RTF1: variants seen among roughly 807,000 people sequenced by gnomAD.
RTF1 encodes the protein RNA polymerase-associated protein RTF1 homolog.
RTF1 carries 10 observed loss-of-function variants against 95.7 expected under a neutral mutation model. The ratio of observed to expected loss-of-function variants is 0.10; its 90% CI spans 0.06 to 0.18. The LOEUF is 0.18. Ranked by LOEUF, RTF1 falls within the 10% of genes least tolerant of loss-of-function variation. The pLI, the probability that RTF1 is intolerant of heterozygous loss-of-function variation, is 1.00. For synonymous variants in RTF1, 305 were observed against 311.8 expected, an observed-to-expected ratio of 0.98 and a Z score of 0.23; for missense variants, 458 against 875.6, an observed-to-expected ratio of 0.52 and a Z score of 6.02.
In RTF1 at chr15:41,430,006, C is replaced by CTTTTTTTTTTTTT. The variant is rs1410593149; in HGVS notation, c.199-8311_199-8310insTTTTTTTTTTTTT. The stretch of plus-strand genomic sequence containing the variant: ...TTTAATTTAATTTATTTTATTTTTT[C>CTTTTTTTTTTTTT]TTTTCTTTTTTTTTTTTTTGAGACA... On this transcript the variant is annotated intron_variant, in intron 1 of 17. Transcript: ENST00000389629. Among the ~76,000 whole-genome samples, 238 of 142,908 alleles carry CTTTTTTTTTTTTT rather than the reference C, an allele frequency of 1.7e-3. 2 individuals carry two copies. The highest frequency in any genetic ancestry group is 4.1e-3 in the East Asian group (19 of 4,688). The allele number at this position is 142,908 out of a possible 152,430, so 93.8% of individuals were successfully genotyped here.
At chr15:41,421,794 G>A (rs150665618) in intron 1 of RTF1, among the ~76,000 whole-genome samples, 115 of 150,632 alleles carry the variant, frequency 7.6e-4, no homozygotes, top group Middle Eastern at 3.4e-3. Flanking sequence ...CGGCTGTAGC[G>A]TTGACCTCCC....
chr15:41,467,012 A>G (rs1394411592), intron 6 of RTF1, among the ~76,000 whole-genome samples: 2 of 152,098 alleles, frequency 1.3e-5, no homozygotes, highest in Non-Finnish European at 2.9e-5. Context: ...AGTGGTATGT[A>G]TTTCCATCAG....
At chr15:41,424,920 A>C (rs939947982) in intron 1 of RTF1, among the ~76,000 whole-genome samples, 1 of 151,668 alleles carries the variant, frequency 6.6e-6, no homozygotes, top group Non-Finnish European at 1.5e-5. Context: ...GAGGCATGAG[A>C]ATCCCTTGAA....
intron 1 of RTF1, among the ~76,000 whole-genome samples, chr15:41,425,592 A>G (rs1228779524): frequency 2.0e-5 from 3 of 152,114 alleles, no homozygotes; most frequent in African/African-American, 7.2e-5. Flanking sequence ...GGAGAACATA[A>G]GTTCCATTAG....
At chr15:41,436,663 A>C (rs144194024) in intron 1 of RTF1, among the ~76,000 whole-genome samples, 147 of 148,786 alleles carry the variant, frequency 9.9e-4, no homozygotes, top group African/African-American at 3.4e-3. Context: ...GCATGGTGGC[A>C]TTCTCCTGTA....
At chr15:41,452,833 G>A in intron 2 of RTF1, 68 bp from the exon 3 acceptor site, 1 of 1,183,828 alleles carries the variant, frequency 8.4e-7, no homozygotes. Context: ...TAACTCTTGA[G>A]TCTTCCAGCT....
In RTF1 at chr15:41,464,828, G is replaced by A. The variant is rs908418272; in HGVS notation, c.720G>A (p.Lys240=). Residue 240 remains lysine, a synonymous_variant, in exon 5 of 18, where the codon AAG becomes AAA. Coordinates refer to ENST00000389629, the MANE Select transcript of RTF1 (RefSeq NM_015138.5). ...TAKKKEKKEK[K]KKQEEEQEKK... is the part of the protein sequence containing the mutation. ...AAAAGAAAGAAAAGAAAGAAAAGAA[G>A]AAAAAGCAAGAAGAGGAGCAAGAAA... 6.4e-7 allele frequency: 1 copy of A among 1,555,010 alleles called. No individual in the cohort carries two copies. Among genetic ancestry groups the A allele is most frequent in the Non-Finnish European group, 8.7e-7 (1 of 1,151,466 alleles).
intron 1 of RTF1, among the ~76,000 whole-genome samples, chr15:41,436,113 C>T (rs992018902): frequency 1.3e-5 from 2 of 151,838 alleles, no homozygotes; most frequent in Non-Finnish European, 2.9e-5. Flanking sequence ...TCAAGACCAG[C>T]CTGGGCAGCA....
intron 8 of RTF1, among the ~76,000 whole-genome samples, chr15:41,473,790 A>T (rs2050928043): frequency 6.6e-6 from 1 of 151,424 alleles, no homozygotes; most frequent in Non-Finnish European, 1.5e-5. Flanking sequence ...CACGCCTGTA[A>T]TCCCAGTACT....
intron 14 of RTF1, 121 bp from the exon 15 acceptor site, chr15:41,478,427 G>A: frequency 4.1e-6 from 3 of 739,678 alleles, no homozygotes; most frequent in South Asian, 1.8e-5. Context: ...AAAAAAAAAG[G>A]AAAAGGATAA....
At chr15:41,460,900 G>A (rs538291190) in intron 4 of RTF1, among the ~76,000 whole-genome samples, 2 of 140,704 alleles carry the variant, frequency 1.4e-5, no homozygotes, top group East Asian at 2.1e-4. Flanking sequence ...TTTTTGAGAT[G>A]GAGTCTCACT....
chr15:41,480,140 C>T lies in RTF1; in HGVS notation c.1915-74C>T, dbSNP rs375823391. 1,095 of 926,440 alleles carry T rather than the reference C, an allele frequency of 1.2e-3. 23 individuals are homozygous for T. In the South Asian group the frequency reaches 0.014, roughly 12 times the overall value. The allele number at this position is 926,440 out of a possible 1,614,324, so 57.4% of individuals were successfully genotyped here. A position where few individuals can be genotyped will look rare whatever the true frequency, so the allele number is the denominator to read the frequency against. ...ATGAACTCAAATAAGAGCTTCGTAC[C>T]GTTAGTGGCTGCTGCTGCTTGAAAT... On this transcript the variant is annotated intron_variant, in intron 16 of 17. Transcript: ENST00000389629.
chr15:41,472,465 C>T (rs1250258978), intron 8 of RTF1, among the ~76,000 whole-genome samples: 1 of 152,166 alleles, frequency 6.6e-6, no homozygotes, highest in South Asian at 2.1e-4. Context: ...TCTCGGCCTC[C>T]CAAAGTGCTG....
intron 2 of RTF1, among the ~76,000 whole-genome samples, chr15:41,446,989 G>A (rs1416673137): frequency 6.6e-6 from 1 of 152,024 alleles, no homozygotes; most frequent in Non-Finnish European, 1.5e-5. Context: ...TTTTAGTAGA[G>A]TCAGGGTTTC....
chr15:41,445,981 G>A (rs554123760), intron 2 of RTF1, among the ~76,000 whole-genome samples: 1 of 152,066 alleles, frequency 6.6e-6, no homozygotes, highest in South Asian at 2.1e-4. Flanking sequence ...CAAGTGATCT[G>A]TCTGCCTCGG....
intron 1 of RTF1, among the ~76,000 whole-genome samples, chr15:41,427,440 T>C (rs952579318): frequency 6.6e-6 from 1 of 151,972 alleles, no homozygotes; most frequent in African/African-American, 2.4e-5. Flanking sequence ...CGTGAGCCAC[T>C]GCGCCCGGCC....
At position 41,481,090 on chromosome 15, in the gene RTF1, G is replaced by A. The variant is rs2050970703; in HGVS notation, c.*403G>A. 6.0e-6 allele frequency: 1 copy of A among 165,448 alleles called. No individual in the cohort carries two copies. Among genetic ancestry groups the A allele is most frequent in the Non-Finnish European group, 1.3e-5 (1 of 75,356 alleles). The allele number at this position is 165,448 out of a possible 1,614,324, so 10.2% of individuals were successfully genotyped here. A position where few individuals can be genotyped will look rare whatever the true frequency, so the allele number is the denominator to read the frequency against. On this transcript the variant is annotated 3_prime_UTR_variant, in exon 18 of 18. Coordinates refer to ENST00000389629, the MANE Select transcript of RTF1 (RefSeq NM_015138.5). ...GGCGGTCTCCTCTACAGACTGCCTTGGCCCACCCATTGAACATTCGGCACG... is the reference window on the plus strand; with the variant it reads ...GGCGGTCTCCTCTACAGACTGCCTTAGCCCACCCATTGAACATTCGGCACG...
At chr15:41,445,494 G>A (rs895620652) in intron 2 of RTF1, among the ~76,000 whole-genome samples, 4 of 152,134 alleles carry the variant, frequency 2.6e-5, no homozygotes, top group African/African-American at 9.7e-5. Flanking sequence ...TAACTAGACT[G>A]CAAGTTTTTG....
chr15:41,419,842 C>T (rs985420048), intron 1 of RTF1, among the ~76,000 whole-genome samples: 4 of 152,220 alleles, frequency 2.6e-5, no homozygotes, highest in South Asian at 2.1e-4. Flanking sequence ...ATTTTTGAGA[C>T]GGAGTCTTGT....
Sources: gnomAD v4.1 joint callset for allele counts (sites outside exome capture counted in the v4.1 genomes callset) on GRCh38, gnomAD v4.1.1 for gene constraint, MANE v1.5 for transcripts, NCBI Gene and HGNC (gene_info 2026-07-23, HGNC 2026-07-21) for gene names.